The following PLCL2 variants were observed in gnomAD, a reference collection of about 807,000 sequenced individuals.
The protein encoded by PLCL2 is phospholipase C like 2, also known as inactive phospholipase C-like protein 2.
PLCL2 carries 4 observed loss-of-function variants against 79.6 expected under a neutral mutation model. The observed-to-expected ratio is 0.05, with a 90% CI of 0.02 to 0.11. The LOEUF (loss-of-function observed/expected upper bound fraction) is 0.11, where lower values mean the gene tolerates loss of function less well. Ranked by LOEUF, PLCL2 falls within the 10% of genes least tolerant of loss-of-function variation. PLCL2 has a pLI of 1.00. For synonymous variants in PLCL2, 484 were observed against 457.7 expected (o/e 1.06, Z -0.73); for missense variants, 895 against 1,291.0 (o/e 0.69, Z 4.70).
chr3:16,923,215 G>A (rs990772034), intron 1 of PLCL2, among the ~76,000 whole-genome samples: 1 of 152,220 alleles, frequency 6.6e-6, no homozygotes. Context: ...ATAAGGGAGA[G>A]CTCAGTCCAT....
chr3:16,906,711 A>G lies in PLCL2; in HGVS notation c.327+21345A>G, dbSNP rs1166926493. ...TTTCTAAAATAAAGCTTCATAAATT[A>G]GTTTTATGTAATAACTTGTATGTCT... On this transcript the variant is annotated intron_variant, in intron 1 of 5. Transcript: ENST00000615277. Among the ~76,000 whole-genome samples the G allele has an allele frequency of 7.2e-5, 11 of 152,232 alleles. No homozygotes were observed. In the East Asian group the frequency reaches 9.6e-4, roughly 13 times the overall value.
At chr3:16,980,947 A>C (rs1250775358) in intron 1 of PLCL2, among the ~76,000 whole-genome samples, 2 of 152,250 alleles carry the variant, frequency 1.3e-5, no homozygotes, top group Admixed American at 1.3e-4. Flanking sequence ...CAGCCCGGCC[A>C]ACACAGCGAA....
chr3:17,058,286 T>G (rs2124934731), intron 4 of PLCL2, among the ~76,000 whole-genome samples: 1 of 152,282 alleles, frequency 6.6e-6, no homozygotes, highest in African/African-American at 2.4e-5. Flanking sequence ...GAGGTGGAGA[T>G]GCAGGCCAGG....
intron 4 of PLCL2, among the ~76,000 whole-genome samples, chr3:17,056,245 A>G (rs2064891389): frequency 6.6e-6 from 1 of 152,214 alleles, no homozygotes; most frequent in Non-Finnish European, 1.5e-5. Flanking sequence ...AAAGCTGAGA[A>G]GAACTACAAT....
intron 3 of PLCL2, among the ~76,000 whole-genome samples, chr3:17,024,718 G>A (rs1276806866): frequency 6.6e-6 from 1 of 152,170 alleles, no homozygotes; most frequent in Non-Finnish European, 1.5e-5. Flanking sequence ...AAGACTAGCT[G>A]ACCTAGAACA....
At chr3:16,960,415 A>C (rs996314433) in intron 1 of PLCL2, among the ~76,000 whole-genome samples, 5 of 152,166 alleles carry the variant, frequency 3.3e-5, no homozygotes, top group Non-Finnish European at 7.3e-5. Flanking sequence ...ACACTATAGG[A>C]AGCACTAATC....
At chr3:16,980,479 G>A (rs1172364877) in intron 1 of PLCL2, among the ~76,000 whole-genome samples, 2 of 149,566 alleles carry the variant, frequency 1.3e-5, no homozygotes, top group Non-Finnish European at 3.0e-5. Flanking sequence ...GGGCAGAGAC[G>A]CTCCTCACAT....
chr3:17,074,988 A>AAT lies in PLCL2; in HGVS notation c.3204+6925_3204+6926dup, dbSNP rs1173073157. Among the ~76,000 whole-genome samples, 4 of 152,338 alleles carry AAT rather than the reference A, an allele frequency of 2.6e-5. No individual in the cohort carries two copies. In the East Asian group the frequency reaches 7.7e-4, roughly 29 times the overall value. On this transcript the variant is annotated intron_variant, in intron 5 of 5. Transcript: ENST00000615277. ...TTCTTATCATTCATGAGTTCAGTAGAATAGCACTTTAAATTTCCTTCACAA... is the reference window on the plus strand; with the variant it reads ...TTCTTATCATTCATGAGTTCAGTAGAATATAGCACTTTAAATTTCCTTCACAA...
rs771187170 is a variant in PLCL2 at position 17,032,417 on chromosome 3, C to T, written c.3019-10457C>T. Among the ~76,000 whole-genome samples, 9 of 152,100 alleles carry T rather than the reference C, an allele frequency of 5.9e-5. No homozygotes were observed. The South Asian group carries it at 1.2e-3, about 21-fold the overall frequency. On this transcript the variant is annotated intron_variant, in intron 3 of 5. Transcript: ENST00000615277. ...AAAGCACAGTTTTTGGTGACATAAA[C>T]CACCCTAGTGCATTCATTGTTTTGA...
chr3:16,938,465 G>C (rs1365886276), intron 1 of PLCL2, among the ~76,000 whole-genome samples: 1 of 152,184 alleles, frequency 6.6e-6, no homozygotes, highest in South Asian at 2.1e-4. Context: ...TGCGGTGGGA[G>C]TTGACTGGAT....
chr3:16,907,340 A>G (rs1248096113), intron 1 of PLCL2, among the ~76,000 whole-genome samples: 1 of 152,222 alleles, frequency 6.6e-6, no homozygotes, highest in Non-Finnish European at 1.5e-5. Flanking sequence ...ACAACTTTAT[A>G]GGACTGAATG....
chr3:17,069,277 T>C (rs569757827), intron 5 of PLCL2, among the ~76,000 whole-genome samples: 7 of 152,180 alleles, frequency 4.6e-5, no homozygotes, highest in Non-Finnish European at 1.0e-4. Flanking sequence ...TAAATGATTC[T>C]CTTTGGGAAC....
intron 1 of PLCL2, among the ~76,000 whole-genome samples, chr3:17,002,215 A>G (rs1256646078): frequency 6.6e-6 from 1 of 152,054 alleles, no homozygotes; most frequent in Non-Finnish European, 1.5e-5. Flanking sequence ...CTAATTTTTT[A>G]TCTTGCAACT....
At chr3:16,969,540 A>T (rs541470806) in intron 1 of PLCL2, among the ~76,000 whole-genome samples, 2 of 152,136 alleles carry the variant, frequency 1.3e-5, no homozygotes, top group South Asian at 4.1e-4. Context: ...AGGTTTTCAT[A>T]GTAGTCTCTG....
intron 1 of PLCL2, among the ~76,000 whole-genome samples, chr3:16,974,004 G>T (rs2063899294): frequency 6.6e-6 from 1 of 152,186 alleles, no homozygotes; most frequent in South Asian, 2.1e-4. Context: ...GACTGAGTAG[G>T]AGTTGAACTA....
At chr3:16,969,497 A>G (rs1208817938) in intron 1 of PLCL2, among the ~76,000 whole-genome samples, 1 of 152,042 alleles carries the variant, frequency 6.6e-6, no homozygotes, top group East Asian at 1.9e-4. Context: ...GAATTTATCC[A>G]TTTCTTCTGA....
intron 3 of PLCL2, among the ~76,000 whole-genome samples, chr3:17,033,428 A>T (rs2064606507): frequency 6.6e-6 from 1 of 152,122 alleles, no homozygotes. Flanking sequence ...TTGTAAACAA[A>T]TTTTTTGGAA....
At chr3:16,980,113 T>C (rs2063969504) in intron 1 of PLCL2, among the ~76,000 whole-genome samples, 1 of 107,332 alleles carries the variant, frequency 9.3e-6, no homozygotes, top group Non-Finnish European at 1.9e-5. Context: ...CCCACCTCCC[T>C]CCCGGACGGG....
At chr3:16,889,314 T>A (rs1428194047) in intron 1 of PLCL2, among the ~76,000 whole-genome samples, 2 of 152,186 alleles carry the variant, frequency 1.3e-5, no homozygotes, top group African/African-American at 2.4e-5. Context: ...CACATTACAG[T>A]GGCAGTTTGA....
Sources: allele counts gnomAD v4.1 joint callset (sites outside exome capture counted in the v4.1 genomes callset), GRCh38; gene constraint gnomAD v4.1.1; transcripts MANE v1.5; gene names NCBI Gene and HGNC (gene_info 2026-07-23, HGNC 2026-07-21).